GALNT17: variants seen among roughly 807,000 people sequenced by gnomAD.
GALNT17 encodes the protein polypeptide N-acetylgalactosaminyltransferase 17.
Under a neutral mutation model 63.7 loss-of-function variants are expected in GALNT17, and 29 were observed. The observed-to-expected ratio is 0.46, with a 90% CI of 0.34 to 0.62. GALNT17 has a LOEUF of 0.62. GALNT17 is among the 20% of genes least tolerant of loss of function. GALNT17 has a pLI of 0.01. For synonymous variants in GALNT17, 305 were observed against 318.3 expected (o/e 0.96, Z 0.45); for missense variants, 603 against 799.6 (o/e 0.75, Z 2.97).
chr7:71,278,292 T>C (rs1262662914), intron 1 of GALNT17, among the ~76,000 whole-genome samples: 8 of 152,216 alleles, frequency 5.3e-5, no homozygotes, highest in Non-Finnish European at 1.2e-4. Flanking sequence ...TTGCCAGGAC[T>C]GCTGTACTGG....
intron 5 of GALNT17, among the ~76,000 whole-genome samples, chr7:71,515,802 A>C (rs1788436103): frequency 6.6e-6 from 1 of 152,212 alleles, no homozygotes; most frequent in Non-Finnish European, 1.5e-5. Flanking sequence ...AAAGAGACAA[A>C]AATTACAGTA....
intron 2 of GALNT17, among the ~76,000 whole-genome samples, chr7:71,366,434 A>G (rs1792509443): frequency 6.6e-6 from 1 of 152,138 alleles, no homozygotes; most frequent in African/African-American, 2.4e-5. Flanking sequence ...TACAAAAATT[A>G]GCTAGGCATG....
chr7:71,538,861 G>A (rs1788842451), intron 5 of GALNT17, among the ~76,000 whole-genome samples: 1 of 151,914 alleles, frequency 6.6e-6, no homozygotes, highest in African/African-American at 2.4e-5. Context: ...AAGGAGGGAG[G>A]GATGGTGGGA....
At chr7:71,647,088 A>AG (rs1790687398) in intron 6 of GALNT17, among the ~76,000 whole-genome samples, 1 of 150,424 alleles carries the variant, frequency 6.6e-6, no homozygotes, top group Admixed American at 6.7e-5. Flanking sequence ...TTTTTGAGAC[A>AG]GAGTCTCGCT....
chr7:71,568,980 A>G (rs1259241748), intron 5 of GALNT17, among the ~76,000 whole-genome samples: 3 of 151,942 alleles, frequency 2.0e-5, no homozygotes, highest in Admixed American at 6.6e-5. Flanking sequence ...TGATTGATTG[A>G]TTGATTTTTG....
intron 5 of GALNT17, among the ~76,000 whole-genome samples, chr7:71,490,895 T>TC (rs1787994768): frequency 6.6e-6 from 1 of 150,772 alleles, no homozygotes; most frequent in Admixed American, 6.6e-5. Context: ...CCCTGTCTCT[T>TC]TAAAAAAAGG....
rs564663053 is a variant in GALNT17, at chr7:71,175,433, T to C, written c.238+42393T>C. Among the ~76,000 whole-genome samples, 10 of 152,352 alleles carry C rather than the reference T, an allele frequency of 6.6e-5. No individual in the cohort carries two copies. In the East Asian group the frequency reaches 1.9e-3, roughly 29 times the overall value. ...CTATCTGTATCATCTATCTATCTTA[T>C]CTATCTATCATCTATCTGTCTGTCT... is the stretch of plus-strand genomic sequence containing the variant. On this transcript the variant is annotated intron_variant, in intron 1 of 10. Transcript: ENST00000333538.
chr7:71,290,200 T>C (rs1790955251), intron 1 of GALNT17, among the ~76,000 whole-genome samples: 1 of 152,222 alleles, frequency 6.6e-6, no homozygotes, highest in Non-Finnish European at 1.5e-5. Context: ...CGTGTACCTA[T>C]TAGCAGTCAA....
At chr7:71,453,262 A>G (rs1357594955) in intron 5 of GALNT17, among the ~76,000 whole-genome samples, 1 of 152,326 alleles carries the variant, frequency 6.6e-6, no homozygotes, top group East Asian at 1.9e-4. Flanking sequence ...ATTATAACCC[A>G]GTTCACCAGC....
intron 1 of GALNT17, among the ~76,000 whole-genome samples, chr7:71,316,391 T>C (rs1282143257): frequency 2.0e-5 from 3 of 152,116 alleles, no homozygotes; most frequent in Admixed American, 1.3e-4. Context: ...CATCTGTACA[T>C]AGTATCTTCT....
intron 1 of GALNT17, among the ~76,000 whole-genome samples, chr7:71,153,827 G>C (rs936456163): frequency 2.6e-5 from 4 of 152,096 alleles, no homozygotes; most frequent in Non-Finnish European, 5.9e-5. Context: ...TGAGGCAGGA[G>C]AACCCAGGAG....
chr7:71,698,099 C>T (rs990181283), intron 9 of GALNT17, among the ~76,000 whole-genome samples: 13 of 134,608 alleles, frequency 9.7e-5, no homozygotes, highest in South Asian at 2.4e-4. Flanking sequence ...CTCCAGCCTG[C>T]GCGACAAGAG....
intron 5 of GALNT17, among the ~76,000 whole-genome samples, chr7:71,515,112 G>A (rs182772560): frequency 3.7e-4 from 57 of 152,272 alleles, no homozygotes; most frequent in Admixed American, 1.3e-3. Flanking sequence ...CTGTGAGTCC[G>A]TTAAACCTCT....
rs569763428 is a variant in GALNT17, at chr7:71,678,135, TA to T, written c.1500+830del. 3.0e-3 allele frequency among the ~76,000 whole-genome samples: 463 copies of T among 151,832 alleles called. 10 individuals are homozygous for T. Among genetic ancestry groups the T allele is most frequent in the Admixed American group, 0.017 (266 of 15,238 alleles). On this transcript the variant is annotated intron_variant, in intron 9 of 10. Transcript: ENST00000333538. The stretch of plus-strand genomic sequence containing the variant: ...CTATTTATTTATTTATTTATCTGTT[TA>T]TTTTTTTAGACTGAGTCTTTCTCTG...
chr7:71,233,789 A>T (rs28437987), intron 1 of GALNT17, among the ~76,000 whole-genome samples: 12,784 of 152,082 alleles, frequency 0.084, 891 homozygotes, highest in East Asian at 0.3. Flanking sequence ...GTAAAGAACT[A>T]CCTGGGACTG....
At chr7:71,639,749 C>T (rs1790577659) in intron 6 of GALNT17, among the ~76,000 whole-genome samples, 1 of 152,154 alleles carries the variant, frequency 6.6e-6, no homozygotes, top group Admixed American at 6.5e-5. Context: ...CTAAAAACAG[C>T]AAACTTTCTG....
chr7:71,166,819 C>CT (rs538048173), intron 1 of GALNT17, among the ~76,000 whole-genome samples: 373 of 151,294 alleles, frequency 2.5e-3, no homozygotes, highest in Non-Finnish European at 4.3e-3. Flanking sequence ...TAGATATATG[C>CT]TTTTTTTTTC....
chr7:71,480,462 A>T (rs956813986), intron 5 of GALNT17, among the ~76,000 whole-genome samples: 2 of 151,996 alleles, frequency 1.3e-5, no homozygotes, highest in Admixed American at 6.6e-5. Context: ...ATCCTCTGCA[A>T]TGCCTCGAAC....
intron 6 of GALNT17, among the ~76,000 whole-genome samples, chr7:71,587,213 A>G (rs1789732386): frequency 6.6e-6 from 1 of 152,116 alleles, no homozygotes; most frequent in Admixed American, 6.5e-5. Context: ...TTTTTAGTAG[A>G]CATGGGGTTT....
Sources: gnomAD v4.1 joint callset for allele counts (sites outside exome capture counted in the v4.1 genomes callset) on GRCh38, gnomAD v4.1.1 for gene constraint, MANE v1.5 for transcripts, NCBI Gene and HGNC (gene_info 2026-07-23, HGNC 2026-07-21) for gene names.